IFTAP: variants seen among roughly 807,000 people sequenced by gnomAD.
IFTAP encodes intraflagellar transport-associated protein.
Under a neutral mutation model 19.4 loss-of-function variants are expected in IFTAP, and 19 were observed. The observed-to-expected ratio is 0.98, with a 90% CI of 0.68 to 1.44. The LOEUF is 1.44. Among genes scored for constraint, IFTAP ranks in the 40% most tolerant of loss-of-function variants. The probability of loss-of-function intolerance (pLI) is 0.00; values close to 1 mark genes in which losing one functional copy is unlikely to be tolerated. For synonymous variants in IFTAP, 85 were observed against 83.5 expected (o/e 1.02, Z -0.10); for missense variants, 240 against 253.6 (o/e 0.95, Z 0.36).
chr11:36,604,929 T>C (rs914916191), intron 1 of IFTAP, among the ~76,000 whole-genome samples: 2 of 151,552 alleles, frequency 1.3e-5, no homozygotes, highest in Non-Finnish European at 2.9e-5. Context: ...ACAAAAAAAT[T>C]AGAGGATGCA....
At chr11:36,657,831 G>A (rs928415862) in intron 5 of IFTAP, among the ~76,000 whole-genome samples, 1 of 152,206 alleles carries the variant, frequency 6.6e-6, no homozygotes, top group African/African-American at 2.4e-5. Flanking sequence ...TGGAAACCCA[G>A]TGGCAGTTTT....
At chr11:36,603,401 C>CT (rs1300289562) in intron 1 of IFTAP, among the ~76,000 whole-genome samples, 1 of 152,076 alleles carries the variant, frequency 6.6e-6, no homozygotes, top group Admixed American at 6.6e-5. Flanking sequence ...TCCTAAATAT[C>CT]TTTTGTTTTA....
At chr11:36,599,481 G>A (rs1419668916) in intron 1 of IFTAP, among the ~76,000 whole-genome samples, 1 of 152,078 alleles carries the variant, frequency 6.6e-6, no homozygotes, top group Non-Finnish European at 1.5e-5. Context: ...TCTCTAAAAT[G>A]GCAATAATAA....
At chr11:36,607,315 G>A (rs1157284924) in intron 1 of IFTAP, among the ~76,000 whole-genome samples, 1 of 152,122 alleles carries the variant, frequency 6.6e-6, no homozygotes, top group Non-Finnish European at 1.5e-5. Flanking sequence ...AATCTTGTGA[G>A]GCATGTGTAG....
At chr11:36,616,354 C>T (rs1234135693) in intron 2 of IFTAP, among the ~76,000 whole-genome samples, 1 of 151,884 alleles carries the variant, frequency 6.6e-6, no homozygotes, top group Non-Finnish European at 1.5e-5. Flanking sequence ...ACTTGCAATG[C>T]TTTGTGCTTT....
intron 4 of IFTAP, among the ~76,000 whole-genome samples, chr11:36,640,169 C>A (rs941667632): frequency 6.6e-6 from 1 of 152,088 alleles, no homozygotes; most frequent in Non-Finnish European, 1.5e-5. Context: ...CCCTCAGAAA[C>A]CCTAAGGTTG....
chr11:36,597,488 A>G (rs1285536698), intron 1 of IFTAP, among the ~76,000 whole-genome samples: 2 of 152,222 alleles, frequency 1.3e-5, no homozygotes, highest in Admixed American at 6.5e-5. Context: ...ATAAATATAT[A>G]CAATTTTCCC....
intron 1 of IFTAP, among the ~76,000 whole-genome samples, chr11:36,602,831 TAA>T (rs67981769): frequency 2.0e-5 from 3 of 148,324 alleles, no homozygotes; most frequent in African/African-American, 7.4e-5. Context: ...TCTAAATGAT[TAA>T]AAAAAAAACA....
At chr11:36,657,584 C>T (rs1185854797) in intron 5 of IFTAP, among the ~76,000 whole-genome samples, 1 of 152,176 alleles carries the variant, frequency 6.6e-6, no homozygotes, top group Non-Finnish European at 1.5e-5. Flanking sequence ...TTGATTCTTG[C>T]TGGTGTTTCT....
At chr11:36,625,241 A>G (rs1470050534) in intron 2 of IFTAP, among the ~76,000 whole-genome samples, 1 of 152,162 alleles carries the variant, frequency 6.6e-6, no homozygotes, top group Non-Finnish European at 1.5e-5. Context: ...TAAATAAAAA[A>G]TATATAAAAT....
chr11:36,653,756 A>G (rs1371360548), intron 5 of IFTAP, among the ~76,000 whole-genome samples: 2 of 152,192 alleles, frequency 1.3e-5, no homozygotes, highest in Non-Finnish European at 2.9e-5. Context: ...AAATTCACTC[A>G]TGCATGTCAT....
Position 36,610,152 on chromosome 11 carries a change from A to G in IFTAP, c.49A>G (p.Ile17Val). 2 of 1,612,096 alleles carry G rather than the reference A, an allele frequency of 1.2e-6. No individual in the cohort carries two copies. Among genetic ancestry groups the G allele is most frequent in the Non-Finnish European group, 1.7e-6 (2 of 1,178,290 alleles). ...GLEIMDEDQLIKDVLDKFLNC... is the reference protein window; with the variant it reads ...GLEIMDEDQLVKDVLDKFLNC... Reference sequence around the variant, plus strand: ...GGAAATAATGGATGAAGATCAATTAATCAAAGACGTCTTGGATAAATTCCT... The same window carrying G: ...GGAAATAATGGATGAAGATCAATTAGTCAAAGACGTCTTGGATAAATTCCT... Residue 17 changes from isoleucine to valine, a missense_variant, in exon 2 of 6, where the codon ATC becomes GTC. Physicochemically the swap from Ile to Val is conservative, Grantham distance 29 (BLOSUM62 3). Transcript: ENST00000334307.
At chr11:36,614,561 C>T (rs1481178892) in intron 2 of IFTAP, among the ~76,000 whole-genome samples, 1 of 148,756 alleles carries the variant, frequency 6.7e-6, no homozygotes, top group African/African-American at 2.5e-5. Flanking sequence ...CCTATTTCTC[C>T]ACATCCTCTC....
intron 2 of IFTAP, among the ~76,000 whole-genome samples, chr11:36,632,073 C>G (rs1032823646): frequency 2.6e-5 from 4 of 151,090 alleles, no homozygotes; most frequent in Non-Finnish European, 4.4e-5. Context: ...GTGTTCAGAT[C>G]CCCACTCTGC....
At chr11:36,629,413 T>C (rs1332800231) in intron 2 of IFTAP, among the ~76,000 whole-genome samples, 1 of 151,354 alleles carries the variant, frequency 6.6e-6, no homozygotes, top group Non-Finnish European at 1.5e-5. Context: ...TTGATTTATA[T>C]TGCTGTTGAC....
At chr11:36,653,304 T>C (rs927600258) in intron 5 of IFTAP, among the ~76,000 whole-genome samples, 1 of 152,108 alleles carries the variant, frequency 6.6e-6, no homozygotes, top group African/African-American at 2.4e-5. Flanking sequence ...TTTCCAATAG[T>C]GTACAAATTT....
intron 2 of IFTAP, among the ~76,000 whole-genome samples, chr11:36,613,312 TC>T (rs1851942659): frequency 6.6e-6 from 1 of 151,896 alleles, no homozygotes; most frequent in Non-Finnish European, 1.5e-5. Context: ...AAAAAAGGCT[TC>T]TTTCTTCTTG....
intron 2 of IFTAP, among the ~76,000 whole-genome samples, chr11:36,613,548 T>C (rs896120819): frequency 1.3e-5 from 2 of 152,060 alleles, no homozygotes; most frequent in African/African-American, 4.8e-5. Flanking sequence ...GAAATTAGAC[T>C]AATGCATGAT....
chr11:36,630,953 C>A (rs1479794075), intron 2 of IFTAP, among the ~76,000 whole-genome samples: 1 of 151,274 alleles, frequency 6.6e-6, no homozygotes, highest in Non-Finnish European at 1.5e-5. Flanking sequence ...TGTCTCCATG[C>A]CTATCTTGCT....
Sources: gnomAD v4.1 joint callset for allele counts (sites outside exome capture counted in the v4.1 genomes callset) on GRCh38, gnomAD v4.1.1 for gene constraint, MANE v1.5 for transcripts, NCBI Gene and HGNC (gene_info 2026-07-23, HGNC 2026-07-21) for gene names.